The following FOXN3 variants were observed in gnomAD, a reference collection of about 807,000 sequenced individuals.
FOXN3 encodes forkhead box N3.
Under a neutral mutation model 38.4 loss-of-function variants are expected in FOXN3, and 7 were observed. The ratio of observed to expected loss-of-function variants is 0.18; its 90% CI spans 0.10 to 0.34. FOXN3 has a LOEUF of 0.34. Ranked by LOEUF, FOXN3 falls within the 10% of genes least tolerant of loss-of-function variation. The pLI is 1.00. For missense variants in FOXN3, 456 were observed against 613.4 expected (o/e 0.74, Z 2.71); for synonymous variants, 230 against 242.2 (o/e 0.95, Z 0.47).
chr14:89,613,464 G>A (rs1033759916), intron 1 of FOXN3, among the ~76,000 whole-genome samples: 26 of 152,190 alleles, frequency 1.7e-4, no homozygotes, highest in African/African-American at 6.0e-4. Context: ...CAGGTGGGAG[G>A]AGGAAGGAGA....
At chr14:89,396,813 C>T (rs374307505) in intron 2 of FOXN3, among the ~76,000 whole-genome samples, 3 of 125,152 alleles carry the variant, frequency 2.4e-5, no homozygotes, top group East Asian at 2.2e-4. Context: ...GCCTGGGCAA[C>T]AGGAGTGAAA....
intron 1 of FOXN3, among the ~76,000 whole-genome samples, chr14:89,529,750 T>C (rs1894516566): frequency 6.6e-6 from 1 of 152,128 alleles, no homozygotes; most frequent in African/African-American, 2.4e-5. Flanking sequence ...GGATTATAAT[T>C]AAGGCCTTTA....
chr14:89,368,303 C>T (rs189447393), intron 2 of FOXN3, among the ~76,000 whole-genome samples: 1 of 145,744 alleles, frequency 6.9e-6, no homozygotes, highest in East Asian at 2.0e-4. Context: ...GCACTCCAGC[C>T]TGGATAAAAA....
chr14:89,440,325 C>T (rs570315759), intron 1 of FOXN3, among the ~76,000 whole-genome samples: 1 of 152,270 alleles, frequency 6.6e-6, no homozygotes, highest in South Asian at 2.1e-4. Flanking sequence ...ACCAGAATAT[C>T]TCAAACGCAT....
At chr14:89,549,773 G>C (rs866427165) in intron 1 of FOXN3, among the ~76,000 whole-genome samples, 1 of 152,146 alleles carries the variant, frequency 6.6e-6, no homozygotes, top group African/African-American at 2.4e-5. Context: ...TTTCATCTTG[G>C]AGGCTGCAAC....
chr14:89,571,589 A>C (rs1276328051), intron 1 of FOXN3, among the ~76,000 whole-genome samples: 1 of 152,170 alleles, frequency 6.6e-6, no homozygotes, highest in East Asian at 1.9e-4. Context: ...AAAGATCAGA[A>C]AGTAAGTATT....
chr14:89,269,026 T>C (rs1886067573), intron 4 of FOXN3, among the ~76,000 whole-genome samples: 1 of 152,246 alleles, frequency 6.6e-6, no homozygotes, highest in African/African-American at 2.4e-5. Context: ...CCTTTATACA[T>C]GTCACAGCCT....
chr14:89,593,029 AAGAG>A (rs1895989655), intron 1 of FOXN3, among the ~76,000 whole-genome samples: 1 of 139,666 alleles, frequency 7.2e-6, no homozygotes, highest in Non-Finnish European at 1.6e-5. Flanking sequence ...GAAGGAGGGA[AAGAG>A]GGAGGGAGGG....
chr14:89,192,390 T>C (rs1406173455), intron 4 of FOXN3, among the ~76,000 whole-genome samples: 1 of 144,798 alleles, frequency 6.9e-6, no homozygotes, highest in Non-Finnish European at 1.5e-5. Context: ...TAAGTTAATA[T>C]ACAAACTACA....
At chr14:89,184,507 A>G (rs1887753670) in intron 4 of FOXN3, among the ~76,000 whole-genome samples, 1 of 152,230 alleles carries the variant, frequency 6.6e-6, no homozygotes, top group African/African-American at 2.4e-5. Flanking sequence ...GTCGTCACCA[A>G]GTTCCTACTG....
At chr14:89,319,940 C>T (rs1288453589) in intron 3 of FOXN3, among the ~76,000 whole-genome samples, 1 of 152,180 alleles carries the variant, frequency 6.6e-6, no homozygotes, top group Non-Finnish European at 1.5e-5. Flanking sequence ...CTTCCCTTGC[C>T]ATCCAGTAAG....
At chr14:89,166,160 A>G (rs1348165377) in intron 5 of FOXN3, among the ~76,000 whole-genome samples, 1 of 152,188 alleles carries the variant, frequency 6.6e-6, no homozygotes, top group African/African-American at 2.4e-5. Context: ...GAGGGGGAGA[A>G]ATACTCTAGA....
At chr14:89,218,783 T>G (rs1287625651) in intron 4 of FOXN3, among the ~76,000 whole-genome samples, 1 of 152,228 alleles carries the variant, frequency 6.6e-6, no homozygotes, top group East Asian at 1.9e-4. Context: ...AGAGACTTTC[T>G]GGGTCTTGCT....
chr14:89,542,307 A>G (rs556112292), intron 1 of FOXN3, among the ~76,000 whole-genome samples: 1 of 152,320 alleles, frequency 6.6e-6, no homozygotes, highest in Non-Finnish European at 1.5e-5. Flanking sequence ...GACACTCCCA[A>G]GTCTGAGTCT....
intron 2 of FOXN3, among the ~76,000 whole-genome samples, chr14:89,400,928 T>C (rs923923344): frequency 1.3e-5 from 2 of 151,996 alleles, no homozygotes; most frequent in African/African-American, 4.8e-5. Flanking sequence ...GAACTACTAT[T>C]TACCACTTGC....
At chr14:89,520,559 T>C (rs1307055037) in intron 1 of FOXN3, among the ~76,000 whole-genome samples, 1 of 152,186 alleles carries the variant, frequency 6.6e-6, no homozygotes, top group Non-Finnish European at 1.5e-5. Flanking sequence ...TATACATATG[T>C]AGGGAAAATC....
chr14:89,610,181 T>C (rs1416413931), intron 1 of FOXN3, among the ~76,000 whole-genome samples: 1 of 152,018 alleles, frequency 6.6e-6, no homozygotes, highest in Non-Finnish European at 1.5e-5. Context: ...CAGAACCTGC[T>C]GATGTCCTGG....
chr14:89,566,549 G>A (rs1232797718), intron 1 of FOXN3, among the ~76,000 whole-genome samples: 1 of 152,218 alleles, frequency 6.6e-6, no homozygotes, highest in Non-Finnish European at 1.5e-5. Flanking sequence ...GACATATCAC[G>A]GAAATGCACT....
At chr14:89,466,806 A>G (rs752363659) in intron 1 of FOXN3, among the ~76,000 whole-genome samples, 1 of 152,114 alleles carries the variant, frequency 6.6e-6, no homozygotes, top group Non-Finnish European at 1.5e-5. Context: ...GGGTTTTCTC[A>G]TTTCAATTAC....
Sources: allele counts gnomAD v4.1 joint callset (sites outside exome capture counted in the v4.1 genomes callset), GRCh38; gene constraint gnomAD v4.1.1; transcripts MANE v1.5; gene names NCBI Gene and HGNC (gene_info 2026-07-23, HGNC 2026-07-21).